The following ZNF248 variants were observed in gnomAD, a reference collection of about 807,000 sequenced individuals.
ZNF248 encodes KRAB protein domain.
Under a neutral mutation model 44.3 loss-of-function variants are expected in ZNF248, and 20 were observed. The ratio of observed to expected loss-of-function variants is 0.45; its 90% CI spans 0.32 to 0.66. The LOEUF (loss-of-function observed/expected upper bound fraction) is 0.66, where lower values mean the gene tolerates loss of function less well. ZNF248 is among the 30% of genes least tolerant of loss of function. The pLI is 0.04. For missense variants in ZNF248, 654 were observed against 677.0 expected (o/e 0.97, Z 0.38); for synonymous variants, 224 against 229.0 (o/e 0.98, Z 0.20).
intron 6 of ZNF248, among the ~76,000 whole-genome samples, chr10:37,806,317 A>G (rs1244984287): frequency 6.6e-6 from 1 of 152,178 alleles, no homozygotes; most frequent in Non-Finnish European, 1.5e-5. Flanking sequence ...ACCATTTTAC[A>G]TTCCTATCAA....
chr10:37,808,455 T>C (rs2050947739), intron 6 of ZNF248, among the ~76,000 whole-genome samples: 1 of 151,904 alleles, frequency 6.6e-6, no homozygotes, highest in Admixed American at 6.6e-5. Flanking sequence ...GTTGATTTTT[T>C]TTAATTTTTA....
chr10:37,856,499 A>G lies in ZNF248; in HGVS notation c.-92T>C. On this transcript the variant is annotated 5_prime_UTR_variant, in exon 2 of 6. Transcript: ENST00000395867. The stretch of plus-strand genomic sequence containing the variant: ...TGACACTTTTCACTGAGTGAATGTA[A>G]ATATTTCTTATTGATTTATTACCAA... The G allele has an allele frequency of 8.0e-7, 1 of 1,244,540 alleles. No individual in the cohort carries two copies. The highest frequency in any genetic ancestry group is 1.0e-6 in the Non-Finnish European group (1 of 991,792). 77.1% of individuals were successfully genotyped at this position (1,244,540 alleles called of 1,614,324 possible). A position where few individuals can be genotyped will look rare whatever the true frequency, so the allele number is the denominator to read the frequency against.
chr10:37,778,426 C>G (rs534168665), intron 6 of ZNF248, among the ~76,000 whole-genome samples: 1 of 151,944 alleles, frequency 6.6e-6, no homozygotes, highest in African/African-American at 2.4e-5. Flanking sequence ...ATTGTAGATT[C>G]TGGATATTAG....
intron 6 of ZNF248, chr10:37,795,482 T>G (rs1471449451): frequency 2.6e-5 from 4 of 151,058 alleles, no homozygotes; most frequent in Non-Finnish European, 5.9e-5. Flanking sequence ...TCAAAAAGCG[T>G]TTTTTTTTCC....
intron 3 of ZNF248, among the ~76,000 whole-genome samples, chr10:37,850,531 C>T (rs945359876): frequency 2.0e-5 from 3 of 152,150 alleles, no homozygotes. Flanking sequence ...TCACTGTGTT[C>T]AATATTAAAC....
At chr10:37,817,272 T>C (rs2052638529) in intron 6 of ZNF248, among the ~76,000 whole-genome samples, 1 of 152,102 alleles carries the variant, frequency 6.6e-6, no homozygotes, top group African/African-American at 2.4e-5. Flanking sequence ...TAATGACTTT[T>C]AGTAGATTTT....
intron 6 of ZNF248, among the ~76,000 whole-genome samples, chr10:37,780,950 A>C (rs2047236423): frequency 6.6e-6 from 1 of 152,246 alleles, no homozygotes; most frequent in African/African-American, 2.4e-5. Context: ...CAAAAGGCGC[A>C]GAGCACAGTT....
At chr10:37,778,690 T>A (rs1183242119) in intron 6 of ZNF248, among the ~76,000 whole-genome samples, 1 of 152,286 alleles carries the variant, frequency 6.6e-6, no homozygotes, top group South Asian at 2.1e-4. Context: ...TTAATCCATA[T>A]TGAATTGAAA....
downstream of ZNF248, among the ~76,000 whole-genome samples, chr10:37,772,677 G>A (rs536662610): frequency 1.3e-5 from 2 of 152,336 alleles, no homozygotes; most frequent in Middle Eastern, 6.8e-3. Context: ...TGAGAAACCT[G>A]CACTTTAGAC....
At position 37,779,282 on chromosome 10, in the gene ZNF248, C is replaced by T. The variant is rs183414896; in HGVS notation, c.331-2707G>A. On this transcript the variant is annotated intron_variant, in intron 6 of 6. Transcript: ENST00000615949. ...AATCCTCAATAAAATACTGGCAAACCGAATCCAGCAACACATCAAAAAGCT... is the reference window on the plus strand; with the variant it reads ...AATCCTCAATAAAATACTGGCAAACTGAATCCAGCAACACATCAAAAAGCT... Among the ~76,000 whole-genome samples, 711 of 152,242 alleles carry T rather than the reference C, an allele frequency of 4.7e-3. 8 individuals are homozygous for T. The highest frequency in any genetic ancestry group is 0.016 in the African/African-American group (658 of 41,536).
downstream of ZNF248, chr10:37,776,452 G>T (rs1050862451): frequency 5.3e-5 from 21 of 396,428 alleles, no homozygotes; most frequent in Non-Finnish European, 8.5e-5. Context: ...TCCTGACTTT[G>T]CTCTGAAGTT....
intron 6 of ZNF248, among the ~76,000 whole-genome samples, chr10:37,806,669 A>G (rs1483284477): frequency 6.6e-6 from 1 of 151,910 alleles, no homozygotes; most frequent in Admixed American, 6.6e-5. Context: ...TTTTGCAAAC[A>G]TTTTTTCCCA....
intron 6 of ZNF248, among the ~76,000 whole-genome samples, chr10:37,777,639 C>T (rs2046746016): frequency 6.7e-6 from 1 of 149,784 alleles, no homozygotes; most frequent in African/African-American, 2.5e-5. Context: ...CACCCACCAA[C>T]TCGTCATCTA....
the ZNF248 span, among the ~76,000 whole-genome samples, chr10:37,760,609 G>A: frequency 6.6e-6 from 1 of 152,292 alleles, no homozygotes; most frequent in African/African-American, 2.4e-5. Context: ...ACTGAGGCAG[G>A]CGGATCACAA....
At chr10:37,780,002 A>G (rs1330280656) in intron 6 of ZNF248, among the ~76,000 whole-genome samples, 2 of 149,740 alleles carry the variant, frequency 1.3e-5, no homozygotes, top group Non-Finnish European at 3.0e-5. Context: ...ACCACTGCTC[A>G]AGGAAATAAA....
chr10:37,796,047 A>G (rs2049115896), intron 6 of ZNF248: 1 of 152,184 alleles, frequency 6.6e-6, no homozygotes, highest in Admixed American at 6.5e-5. Context: ...TTTGGCTTCA[A>G]ATACATTTCT....
chr10:37,768,753 G>A, the ZNF248 span, among the ~76,000 whole-genome samples: 2 of 152,096 alleles, frequency 1.3e-5, no homozygotes, highest in African/African-American at 2.4e-5. Context: ...CTAGCAGAAG[G>A]CAAGAATTAA....
At chr10:37,766,836 A>G in the ZNF248 span, among the ~76,000 whole-genome samples, 1 of 152,222 alleles carries the variant, frequency 6.6e-6, no homozygotes, top group Non-Finnish European at 1.5e-5. Flanking sequence ...GAGCTACAGG[A>G]GGAAATTCAA....
chr10:37,820,360 C>G, intron 6 of ZNF248: 1 of 1,430,666 alleles, frequency 7.0e-7, no homozygotes, highest in South Asian at 1.1e-5. Context: ...GCCAGCTGCT[C>G]TGGGTCAAGC....
Sources: allele counts gnomAD v4.1 joint callset (sites outside exome capture counted in the v4.1 genomes callset), GRCh38; gene constraint gnomAD v4.1.1; transcripts MANE v1.5; gene names NCBI Gene and HGNC (gene_info 2026-07-23, HGNC 2026-07-21).